KAZN: variants seen among roughly 807,000 people sequenced by gnomAD.
KAZN encodes kazrin, periplakin interacting protein.
KAZN carries 40 observed loss-of-function variants against 87.4 expected under a neutral mutation model. That is an observed-to-expected ratio of 0.46 (90% CI 0.36 to 0.60). The LOEUF is 0.60. Among genes scored for constraint, KAZN ranks in the 20% least tolerant of loss-of-function variants. KAZN has a pLI of 0.00. For missense variants in KAZN, 898 were observed against 1,073.9 expected, an observed-to-expected ratio of 0.84 and a Z score of 2.29; for synonymous variants, 466 against 458.3, an observed-to-expected ratio of 1.02 and a Z score of -0.22.
intron 3 of KAZN, among the ~76,000 whole-genome samples, chr1:15,039,410 C>G (rs969551474): frequency 2.0e-5 from 3 of 152,126 alleles, no homozygotes; most frequent in Non-Finnish European, 4.4e-5. Flanking sequence ...AGTGCATGTT[C>G]AGAGGAACGA....
intron 2 of KAZN, among the ~76,000 whole-genome samples, chr1:14,409,861 A>G (rs1171453887): frequency 6.6e-6 from 1 of 152,212 alleles, no homozygotes. Flanking sequence ...ACCATCAAAA[A>G]ACAGAATATA....
At position 14,131,525 on chromosome 1, in the gene KAZN, T is replaced by C. The variant is rs570493837; in HGVS notation, c.92-48910T>C. ...AGCACATTAGATATATGTTTTATTGTGTTCTGCTTGGATCTCTTCAATTAT... is the reference window on the plus strand; with the variant it reads ...AGCACATTAGATATATGTTTTATTGCGTTCTGCTTGGATCTCTTCAATTAT... On this transcript the variant is annotated intron_variant, in intron 1 of 16. Coordinates refer to the KAZN transcript ENST00000636203. Among the ~76,000 whole-genome samples the C allele has an allele frequency of 1.6e-4, 24 of 152,228 alleles. 1 individual carries two copies. The South Asian group carries it at 5.0e-3, about 32-fold the overall frequency.
At chr1:14,861,961 C>T (rs770357443) in intron 1 of KAZN, among the ~76,000 whole-genome samples, 27 of 152,224 alleles carry the variant, frequency 1.8e-4, no homozygotes, top group Non-Finnish European at 3.1e-4. Flanking sequence ...CTTAGCCAAG[C>T]TCTAGCTGCA....
chr1:13,942,028 A>G (rs4662054), intron 1 of KAZN, among the ~76,000 whole-genome samples: 127,519 of 152,092 alleles, frequency 0.84, 53,501 homozygotes, highest in South Asian at 0.94. Context: ...GGTCTGGGCC[A>G]ACAAATATTG....
At chr1:14,627,495 TA>T (rs1481635054) in intron 1 of KAZN, among the ~76,000 whole-genome samples, 1 of 152,090 alleles carries the variant, frequency 6.6e-6, no homozygotes, top group Non-Finnish European at 1.5e-5. Flanking sequence ...ACTCAGGACT[TA>T]AAAGGCTCGC....
chr1:14,241,862 A>G (rs1453484643), intron 2 of KAZN, among the ~76,000 whole-genome samples: 1 of 152,240 alleles, frequency 6.6e-6, no homozygotes, highest in African/African-American at 2.4e-5. Context: ...CAACTTTCTG[A>G]GAGCAGAGTA....
At chr1:14,457,632 G>GA (rs1413511556) in intron 2 of KAZN, among the ~76,000 whole-genome samples, 11 of 151,706 alleles carry the variant, frequency 7.3e-5, no homozygotes, top group Admixed American at 6.6e-4. Context: ...CAAGTTCTTG[G>GA]AAAAAAATCA....
chr1:14,078,269 G>A (rs893750623), intron 1 of KAZN, among the ~76,000 whole-genome samples: 2 of 152,140 alleles, frequency 1.3e-5, no homozygotes, highest in African/African-American at 4.8e-5. Flanking sequence ...ACATGTGCCT[G>A]TGTAATTATT....
chr1:14,273,148 T>TATATAGATGA (rs1330701883), intron 2 of KAZN, among the ~76,000 whole-genome samples: 1 of 152,124 alleles, frequency 6.6e-6, no homozygotes, highest in Non-Finnish European at 1.5e-5. Flanking sequence ...TTAACTTTAA[T>TATATAGATGA]ATATAGATGA....
intron 2 of KAZN, chr1:14,390,810 G>A (rs1359449627): frequency 6.6e-6 from 1 of 152,298 alleles, no homozygotes; most frequent in African/African-American, 2.4e-5. Flanking sequence ...TTGCTCTTTT[G>A]TAACAGCATT....
intron 1 of KAZN, among the ~76,000 whole-genome samples, chr1:14,151,545 C>T (rs913719035): frequency 2.8e-4 from 43 of 152,298 alleles, no homozygotes; most frequent in Middle Eastern, 6.8e-3. Flanking sequence ...CTCCAGCTCT[C>T]ATGCTAGGCA....
At chr1:14,190,247 C>T (rs1646395791) in intron 2 of KAZN, among the ~76,000 whole-genome samples, 1 of 152,076 alleles carries the variant, frequency 6.6e-6, no homozygotes, top group African/African-American at 2.4e-5. Flanking sequence ...GTACACATTG[C>T]AGAGCGATGT....
intron 1 of KAZN, among the ~76,000 whole-genome samples, chr1:14,914,507 T>C (rs1316518046): frequency 2.0e-5 from 3 of 152,196 alleles, no homozygotes; most frequent in Non-Finnish European, 4.4e-5. Context: ...TTGTAGCCAC[T>C]GAGGGAGATG....
At chr1:14,480,405 C>A (rs545994336) in intron 2 of KAZN, among the ~76,000 whole-genome samples, 1 of 152,018 alleles carries the variant, frequency 6.6e-6, no homozygotes, top group Non-Finnish European at 1.5e-5. Flanking sequence ...GTGACAGGCC[C>A]CTAAACATAC....
intron 1 of KAZN, among the ~76,000 whole-genome samples, chr1:14,034,033 G>A (rs147251630): frequency 4.5e-4 from 68 of 152,364 alleles, no homozygotes; most frequent in African/African-American, 1.5e-3. Context: ...AATGTTGGGC[G>A]CAGCAAGGCT....
intron 2 of KAZN, among the ~76,000 whole-genome samples, chr1:14,539,826 G>A (rs1304322404): frequency 2.0e-5 from 3 of 152,008 alleles, no homozygotes; most frequent in South Asian, 2.1e-4. Context: ...TTAAATGTAA[G>A]ATAACAAATT....
chr1:14,925,882 G>A (rs908462428), intron 1 of KAZN, among the ~76,000 whole-genome samples: 3 of 152,154 alleles, frequency 2.0e-5, no homozygotes, highest in Admixed American at 6.5e-5. Context: ...TCCAAGACGG[G>A]TTGAGGTAAA....
intron 1 of KAZN, among the ~76,000 whole-genome samples, chr1:13,930,887 G>A (rs1229183736): frequency 6.6e-6 from 1 of 152,150 alleles, no homozygotes; most frequent in African/African-American, 2.4e-5. Context: ...GGTCCTTAGG[G>A]GGTCCTGGAC....
At chr1:14,001,387 A>C (rs1420330486) in intron 1 of KAZN, among the ~76,000 whole-genome samples, 2 of 152,216 alleles carry the variant, frequency 1.3e-5, no homozygotes, top group Non-Finnish European at 2.9e-5. Context: ...TTTCATCCTC[A>C]TGGATAGGAA....
Sources: allele counts gnomAD v4.1 joint callset (sites outside exome capture counted in the v4.1 genomes callset), GRCh38; gene constraint gnomAD v4.1.1; transcripts MANE v1.5; gene names NCBI Gene and HGNC (gene_info 2026-07-23, HGNC 2026-07-21).